The following MCM6 variants were observed in gnomAD, a reference collection of about 807,000 sequenced individuals.
MCM6 encodes the protein DNA replication licensing factor MCM6.
MCM6 carries 46 observed loss-of-function variants against 94.3 expected under a neutral mutation model. The observed-to-expected ratio is 0.49, with a 90% CI of 0.39 to 0.62. The LOEUF (loss-of-function observed/expected upper bound fraction) is 0.62. Ranked by LOEUF, MCM6 falls within the 20% of genes least tolerant of loss-of-function variation. MCM6 has a pLI of 0.00. For missense variants in MCM6, 865 were observed against 1,017.9 expected, an observed-to-expected ratio of 0.85 and a Z score of 2.04; for synonymous variants, 335 against 351.9, an observed-to-expected ratio of 0.95 and a Z score of 0.54.
At chr2:135,867,933 A>G (rs910024804) in intron 4 of MCM6, among the ~76,000 whole-genome samples, 1 of 152,144 alleles carries the variant, frequency 6.6e-6, no homozygotes. Context: ...AGGCTGAGGC[A>G]GGAGAATGGC....
At chr2:135,871,867 T>G (rs1256991238) in intron 2 of MCM6, among the ~76,000 whole-genome samples, 1 of 152,236 alleles carries the variant, frequency 6.6e-6, no homozygotes, top group Non-Finnish European at 1.5e-5. Flanking sequence ...CGGTGGTGGA[T>G]TACAAGTGTA....
chr2:135,861,761 C>T (rs1679996528), intron 8 of MCM6, among the ~76,000 whole-genome samples: 1 of 152,114 alleles, frequency 6.6e-6, no homozygotes, highest in South Asian at 2.1e-4. Context: ...TGTATACAGG[C>T]GCCCGCCACC....
chr2:135,871,184 T>C lies in MCM6; in HGVS notation c.255-823A>G, dbSNP rs565195829. On this transcript the variant is annotated intron_variant, in intron 2 of 16. Transcript: ENST00000264156. ...CTTTTGATATGTTTCTAATACCTAC[T>C]CCAGCTTAGTTTGTTTAAGAAGTGG... Among the ~76,000 whole-genome samples the C allele has an allele frequency of 4.9e-4, 74 of 152,268 alleles. 2 individuals are homozygous for C. In the South Asian group the frequency reaches 0.013, roughly 27 times the overall value.
At chr2:135,841,738 C>T (rs549808388) in intron 16 of MCM6, among the ~76,000 whole-genome samples, 1 of 152,310 alleles carries the variant, frequency 6.6e-6, no homozygotes, top group East Asian at 1.9e-4. Flanking sequence ...TAGGAAGCAT[C>T]ATATCTCATC....
intron 12 of MCM6, 107 bp downstream of exon 12, chr2:135,852,680 G>T: frequency 1.3e-6 from 1 of 796,000 alleles, no homozygotes; most frequent in Non-Finnish European, 1.8e-6. Flanking sequence ...TAAAATTTAG[G>T]AACTAAGGTA....
intron 10 of MCM6, among the ~76,000 whole-genome samples, 165 bp downstream of exon 10, chr2:135,857,729 AAAC>A (rs1679919107): frequency 6.6e-6 from 1 of 152,204 alleles, no homozygotes; most frequent in East Asian, 1.9e-4. Flanking sequence ...ACAGTACTCT[AAAC>A]AACATTTATA....
At chr2:135,876,222 CG>C in intron 1 of MCM6, 36 bp downstream of exon 1, 1 of 1,523,594 alleles carries the variant, frequency 6.6e-7, no homozygotes, top group Non-Finnish European at 8.8e-7. Context: ...CCGCAGGCTC[CG>C]GAGGCGGGCG....
At chr2:135,865,943 G>GT (rs1680086675) in intron 6 of MCM6, among the ~76,000 whole-genome samples, 189 bp downstream of exon 6, 1 of 151,958 alleles carries the variant, frequency 6.6e-6, no homozygotes. Flanking sequence ...CTCTAAAAAA[G>GT]TTTTTTTAAT....
At chr2:135,859,525 T>C in intron 8 of MCM6, 83 bp from the exon 9 acceptor site, 1 of 918,546 alleles carries the variant, frequency 1.1e-6, no homozygotes, top group Non-Finnish European at 1.6e-6. Flanking sequence ...AGAGTTTAAA[T>C]TACTGAAAGA....
rs1679975567 is a variant in MCM6, at chr2:135,860,782, G to C, written c.1221-1340C>G. On this transcript the variant is annotated intron_variant, in intron 8 of 16. Transcript: ENST00000264156. The stretch of plus-strand genomic sequence containing the variant: ...ACCCACAGATAACATCAAACTTAAA[G>C]GTGAAAGGCTGAATGTTTTGCCCCT... 2.6e-5 allele frequency among the ~76,000 whole-genome samples: 4 copies of C among 152,164 alleles called. No individual in the cohort carries two copies. In the South Asian group the frequency reaches 8.3e-4, roughly 32 times the overall value.
chr2:135,872,308 C>A (rs553153093), intron 2 of MCM6, among the ~76,000 whole-genome samples: 1 of 151,976 alleles, frequency 6.6e-6, no homozygotes, highest in African/African-American at 2.4e-5. Flanking sequence ...ATTAGCCGGG[C>A]GTGATGGTGG....
intron 10 of MCM6, 125 bp from the exon 11 acceptor site, chr2:135,857,008 A>T (rs1351624777): frequency 1.3e-6 from 1 of 784,772 alleles, no homozygotes; most frequent in Non-Finnish European, 2.0e-6. Flanking sequence ...ACCCTTTTTC[A>T]CATAAACAGG....
In MCM6 at chr2:135,840,828, C is replaced by T; in HGVS notation, c.*7G>A. On this transcript the variant is annotated 3_prime_UTR_variant, in exon 17 of 17. Coordinates refer to ENST00000264156, the MANE Select transcript of MCM6 (RefSeq NM_005915.6). The stretch of plus-strand genomic sequence containing the variant: ...TTCCTCAGCTCTGGTCAGTTACTTT[C>T]ACTATCTCAATCTTCGAGCAAGTAG... The T allele has an allele frequency of 6.9e-6, 11 of 1,594,924 alleles. No individual in the cohort carries two copies. The highest frequency in any genetic ancestry group is 9.5e-6 in the Non-Finnish European group (11 of 1,162,562).
Position 135,866,737 on chromosome 2 carries a change from C to A in MCM6, c.616-9G>T. On this transcript the variant is annotated splice_polypyrimidine_tract_variant and intron_variant, in intron 4 of 16. Coordinates refer to ENST00000264156, the MANE Select transcript of MCM6 (RefSeq NM_005915.6). ...GTCTCTTGAATACGAACCTGTAATACAGACAAACAACCAACCAAGAATGAG... is the reference window on the plus strand; with the variant it reads ...GTCTCTTGAATACGAACCTGTAATAAAGACAAACAACCAACCAAGAATGAG... The A allele has an allele frequency of 1.3e-6, 2 of 1,589,286 alleles. No homozygotes were observed. The highest frequency in any genetic ancestry group is 1.2e-5 in the South Asian group (1 of 86,676).
intron 14 of MCM6, among the ~76,000 whole-genome samples, chr2:135,847,174 G>C (rs1679686250): frequency 6.6e-6 from 1 of 152,134 alleles, no homozygotes; most frequent in Non-Finnish European, 1.5e-5. Context: ...TTCACAATCT[G>C]AAAGTCCACT....
chr2:135,869,002 G>T, intron 3 of MCM6, 142 bp from the exon 4 acceptor site: 1 of 714,584 alleles, frequency 1.4e-6, no homozygotes, highest in Non-Finnish European at 2.3e-6. Context: ...TCTCCTATAA[G>T]AATAATTTAG....
chr2:135,853,415 A>T (rs1679812691), intron 11 of MCM6, among the ~76,000 whole-genome samples: 1 of 152,218 alleles, frequency 6.6e-6, no homozygotes, highest in Admixed American at 6.5e-5. Flanking sequence ...ACTGCACTCC[A>T]GCCTGGGCAA....
At chr2:135,872,320 C>T (rs182230050) in intron 2 of MCM6, among the ~76,000 whole-genome samples, 23 of 152,110 alleles carry the variant, frequency 1.5e-4, no homozygotes, top group Admixed American at 1.2e-3. Flanking sequence ...TGATGGTGGG[C>T]GCCTGTAATC....
chr2:135,871,179 C>T (rs527922969), intron 2 of MCM6, among the ~76,000 whole-genome samples: 1 of 152,254 alleles, frequency 6.6e-6, no homozygotes, highest in South Asian at 2.1e-4. Context: ...GTTTCTAATA[C>T]CTACTCCAGC....
Sources: allele counts gnomAD v4.1 joint callset (sites outside exome capture counted in the v4.1 genomes callset), GRCh38; gene constraint gnomAD v4.1.1; transcripts MANE v1.5; gene names NCBI Gene and HGNC (gene_info 2026-07-23, HGNC 2026-07-21).